Variants in TTN observed in about 807,000 individuals in gnomAD.
TTN encodes the protein titin.
In TTN, 1,525 loss-of-function variants were observed where a neutral mutation model predicts 3,223.0. That is an observed-to-expected ratio of 0.47 (90% CI 0.45 to 0.49). The LOEUF (loss-of-function observed/expected upper bound fraction) is 0.49, where lower values mean the gene tolerates loss of function less well. TTN is among the 20% of genes least tolerant of loss of function. The pLI, the probability that TTN is intolerant of heterozygous loss-of-function variation, is 0.00. For missense variants in TTN, 40,786 were observed against 43,424.0 expected, an observed-to-expected ratio of 0.94 and a Z score of 5.40; for synonymous variants, 14,094 against 15,161.0, an observed-to-expected ratio of 0.93 and a Z score of 5.17.
rs369529493 is a variant in TTN at position 178,712,827 on chromosome 2, G to T, written c.27198C>A (p.Asn9066Lys). Reference sequence around the variant, plus strand: ...CAGCAACTGAATCCTCCAAAGACACGTTGCATCTGTCACCTGGTACTAGTT... The same window carrying T: ...CAGCAACTGAATCCTCCAAAGACACTTTGCATCTGTCACCTGGTACTAGTT... ...SSELVPGDRCNVSLEDSVAEL... is the reference protein window; with the variant it reads ...SSELVPGDRCKVSLEDSVAEL... Residue 9066 changes from asparagine (N) to lysine (K), a missense_variant, in exon 94 of 363, where the codon AAC (asparagine) becomes AAA (lysine). Physicochemically the swap from Asn to Lys is moderately conservative, Grantham distance 94. Transcript: ENST00000589042. 1.2e-6 allele frequency: 2 copies of T among 1,613,740 alleles called. No homozygotes were observed. Among genetic ancestry groups the T allele is most frequent in the East Asian group, 2.2e-5 (1 of 44,850 alleles).
Position 178,774,199 on chromosome 2 carries a change from G to A in TTN, c.7057+8C>T, listed in dbSNP as rs1330193226. 2 of 1,614,018 alleles carry A rather than the reference G, an allele frequency of 1.2e-6. No homozygotes were observed. Among genetic ancestry groups the A allele is most frequent in the Admixed American group, 1.7e-5 (1 of 59,984 alleles). On this transcript the variant is annotated splice_region_variant and intron_variant, in intron 30 of 362. Transcript: ENST00000589042. The stretch of plus-strand genomic sequence containing the variant: ...TCACTGCAGGCTGACAGGAATGGGA[G>A]GACTTACGTTTCATCTTTAATTTAC...
At position 178,665,399 on chromosome 2, in the gene TTN, C is replaced by T; in HGVS notation, c.36021G>A (p.Glu12007=). The change falls in exon 165 of 363, where the codon GAG becomes GAA. Residue 12007 remains glutamate, a synonymous_variant. Coordinates refer to ENST00000589042, the MANE Select transcript of TTN (RefSeq NM_001267550.2). ...EMKIFEDVPE[E]PETPRMKTPE... ...TACTTTTCATACGTGGAGTTTCTGG[C>T]TCTTCAGGTACATCCTCAAATATTT... 1 of 1,612,452 alleles carries T rather than the reference C, an allele frequency of 6.2e-7. No individual in the cohort carries two copies. Among genetic ancestry groups the T allele is most frequent in the Non-Finnish European group, 8.5e-7 (1 of 1,179,602 alleles).
chr2:178,769,416 G>C (rs890749754), intron 37 of TTN, among the ~76,000 whole-genome samples: 2 of 151,636 alleles, frequency 1.3e-5, no homozygotes, highest in African/African-American at 4.9e-5. Flanking sequence ...ACCATGCCCA[G>C]CTAATTTTTT....
At chr2:178,713,427 C>T in intron 92 of TTN, 55 bp from the exon 93 acceptor site, 2 of 1,454,022 alleles carry the variant, frequency 1.4e-6, no homozygotes. Flanking sequence ...CAAAGGACAA[C>T]AATTATAAAA....
rs561458732 is a variant in TTN, at chr2:178,602,608, A to C, written c.54812-18T>G. ...CGGTGGAACTAATAACAAAAGAAAA[A>C]AAAAAGCTTCATCAGATTTTGAAGC... is the stretch of plus-strand genomic sequence containing the variant. On this transcript the variant is annotated intron_variant, in intron 282 of 362. Transcript: ENST00000589042. 1 of 1,465,690 alleles carries C rather than the reference A, an allele frequency of 6.8e-7. No individual in the cohort carries two copies. The highest frequency in any genetic ancestry group is 1.5e-5 in the South Asian group (1 of 67,514). The allele number at this position is 1,465,690 out of a possible 1,614,324, so 90.8% of individuals were successfully genotyped here.
Position 178,567,630 on chromosome 2 carries a change from C to G in TTN, c.78502G>C (p.Ala26168Pro). The change falls in exon 326 of 363, where the codon GCA (alanine) becomes CCA (proline). Residue 26168 changes from alanine (A) to proline (P), a missense_variant. Ala to Pro is a conservative substitution (Grantham distance 27). Transcript: ENST00000589042. ...GAGGGTTTACTTATTGCACCAGCTG[C>G]ATTCTTTGCAATGACTCTGAATTCA... ...RYEFRVIAKN[A>P]AGAISKPSDS... 6.2e-7 allele frequency: 1 copy of G among 1,612,190 alleles called. No homozygotes were observed. The highest frequency in any genetic ancestry group is 1.7e-5 in the Admixed American group (1 of 59,910).
intron 47 of TTN, chr2:178,746,491 T>C (rs2083599374): frequency 1.2e-6 from 2 of 1,613,098 alleles, no homozygotes; most frequent in Middle Eastern, 1.7e-4. Context: ...GAGAAGGTGT[T>C]CTTGATGATG....
chr2:178,536,674 G>C (rs1575313971), intron 356 of TTN, 99 bp from the exon 357 acceptor site: 1 of 1,084,764 alleles, frequency 9.2e-7, no homozygotes, highest in Non-Finnish European at 1.2e-6. Context: ...CCAAAATTTT[G>C]TTAAAAAATA....
Position 178,712,318 on chromosome 2 carries a change from G to A in TTN, c.27604C>T (p.Leu9202=). The change falls in exon 95 of 363, where the codon CTA becomes TTA. Residue 9202 remains leucine, a synonymous_variant. Coordinates refer to ENST00000589042, the MANE Select transcript of TTN (RefSeq NM_001267550.2). ...KDSCSAQILI[L]EPPYFVKQLE... is the part of the protein sequence containing the mutation. ...AAAATGTGCAATCATGACAAACCTA[G>A]TATGAGTATTTGTGCTGAACAGGAA... 1.2e-6 allele frequency: 2 copies of A among 1,612,656 alleles called. No homozygotes were observed. The highest frequency in any genetic ancestry group is 1.7e-6 in the Non-Finnish European group (2 of 1,178,928).
intron 109 of TTN, 85 bp downstream of exon 109, chr2:178,701,955 T>C (rs1577666354): frequency 1.5e-6 from 2 of 1,297,866 alleles, no homozygotes; most frequent in East Asian, 2.4e-5. Context: ...AAAGATATCT[T>C]ATACATTTTA....
intron 112 of TTN, 132 bp from the exon 113 acceptor site, chr2:178,697,300 G>T: frequency 1.5e-6 from 1 of 658,790 alleles, no homozygotes; most frequent in Non-Finnish European, 2.4e-6. Context: ...GCCCTTCCAG[G>T]AATCATAATA....
At position 178,636,614 on chromosome 2, in the gene TTN, T is replaced by A; in HGVS notation, c.41113A>T (p.Ile13705Phe). Residue 13705 changes from isoleucine (I) to phenylalanine (F), a missense_variant, in exon 225 of 363, where the codon ATC (isoleucine) becomes TTC (phenylalanine). Transcript: ENST00000589042. The surrounding 1 kb of genome is among the most constrained non-coding windows in gnomAD (Gnocchi z 4.3). ...GAAGGGGAGACCAAACATTCAAAGA[T>A]TGCTGAAGAGCCAACGAACTCTGAT... ...TESEFVGSSA[I>F]FECLVSPSTA... 6.2e-7 allele frequency: 1 copy of A among 1,613,458 alleles called. No homozygotes were observed. The highest frequency in any genetic ancestry group is 1.3e-5 in the African/African-American group (1 of 75,044).
In TTN at chr2:178,561,984, T is replaced by C. The variant is rs201348580; in HGVS notation, c.84148A>G (p.Ile28050Val). 1,137 of 1,613,406 alleles carry C rather than the reference T, an allele frequency of 7.0e-4. No homozygotes were observed. Among genetic ancestry groups the C allele is most frequent in the Non-Finnish European group, 8.8e-4 (1,039 of 1,179,596 alleles). ...GGTCCTGGTCTGTCAAGGACAATTATAGTAATAGGAACTGTTATGGATCCA... is the reference window on the plus strand; with the variant it reads ...GGTCCTGGTCTGTCAAGGACAATTACAGTAATAGGAACTGTTATGGATCCA... ...SAGSITVPIT[I>V]IVLDRPGPPG... is the part of the protein sequence containing the mutation. The change falls in exon 326 of 363, where the codon ATA becomes GTA. Residue 28050 changes from isoleucine (I) to valine (V), a missense_variant. Physicochemically the swap from Ile to Val is conservative, Grantham distance 29 (BLOSUM62 3). Transcript: ENST00000589042.
In TTN at chr2:178,565,813, A is replaced by G; in HGVS notation, c.80319T>C (p.Asp26773=). Residue 26773 remains aspartate, a synonymous_variant, in exon 326 of 363, where the codon GAT becomes GAC. Coordinates refer to ENST00000589042, the MANE Select transcript of TTN (RefSeq NM_001267550.2). The part of the protein sequence containing the change: ...FGVGVPVETV[D]AVKAAEPPSP... Reference sequence around the variant, plus strand: ...AAGGAGGTTCAGCAGCTTTCACGGCATCAACAGTTTCCACTGGAACACCAA... The same window carrying G: ...AAGGAGGTTCAGCAGCTTTCACGGCGTCAACAGTTTCCACTGGAACACCAA... 6.2e-7 allele frequency: 1 copy of G among 1,613,696 alleles called. No individual in the cohort carries two copies.
rs372392045 is a variant in TTN, at chr2:178,750,419, G to C, written c.11311+2705C>G. 3.7e-6 allele frequency: 6 copies of C among 1,612,170 alleles called. No homozygotes were observed. The Admixed American group carries it at 1.0e-4, about 27-fold the overall frequency. ...AGTTAATATTGAATAGTTTTCCAACGAATGAATGATAAAGTTTTGATTACG... is the reference window on the plus strand; with the variant it reads ...AGTTAATATTGAATAGTTTTCCAACCAATGAATGATAAAGTTTTGATTACG... On this transcript the variant is annotated intron_variant, in intron 47 of 362. Coordinates refer to ENST00000589042, the MANE Select transcript of TTN (RefSeq NM_001267550.2).
Position 178,598,528 on chromosome 2 carries a change from T to C in TTN, c.57089A>G (p.Glu19030Gly). 1 of 1,608,078 alleles carries C rather than the reference T, an allele frequency of 6.2e-7. No individual in the cohort carries two copies. The highest frequency in any genetic ancestry group is 8.5e-7 in the Non-Finnish European group (1 of 1,178,400). ...VTGYIVEYKE[E>G]GKEEWEKGKD... ...TACCTTTTCCCATTCTTCTTTTCCT[T>C]CTTCTTTATATTCAACGATGTATCC... Residue 19030 changes from glutamate to glycine, a missense_variant, in exon 292 of 363, where the codon GAA (glutamate) becomes GGA (glycine). Glu to Gly is a moderately conservative substitution (Grantham distance 98). Coordinates refer to ENST00000589042, the MANE Select transcript of TTN (RefSeq NM_001267550.2).
At position 178,786,058 on chromosome 2, in the gene TTN, AGGCTCTCTG is replaced by A; in HGVS notation, c.2151_2159del (p.Arg718_Pro720del). Reference sequence around the variant, plus strand: ...GAGCATAGGATTCTTCAAGATGCCCAGGCTCTCTGGGCTCTCTGACTCGGGCCTGGTCTA... The same window carrying A: ...GAGCATAGGATTCTTCAAGATGCCCAGGCTCTCTGACTCGGGCCTGGTCTA... On this transcript the variant is annotated inframe_deletion, in exon 14 of 363. Transcript: ENST00000589042. 6.2e-7 allele frequency: 1 copy of A among 1,614,130 alleles called. No individual in the cohort carries two copies. The highest frequency in any genetic ancestry group is 8.5e-7 in the Non-Finnish European group (1 of 1,180,028).
At position 178,705,196 on chromosome 2, in the gene TTN, T is replaced by C; in HGVS notation, c.29582A>G (p.Gln9861Arg). Residue 9861 changes from glutamine (Q) to arginine (R), a missense_variant, in exon 103 of 363, where the codon CAA becomes CGA. Physicochemically the swap from Gln to Arg is conservative, Grantham distance 43. Coordinates refer to ENST00000589042, the MANE Select transcript of TTN (RefSeq NM_001267550.2). ...LQAFELLKQS[Q>R]EEETHRLEIE... ...TACCAGTCTATGTGTCTCTTCTTCTTGGCTTTGCTTGAGCAGTTCAAATGC... is the reference window on the plus strand; with the variant it reads ...TACCAGTCTATGTGTCTCTTCTTCTCGGCTTTGCTTGAGCAGTTCAAATGC... The C allele has an allele frequency of 6.2e-7, 1 of 1,613,564 alleles. No individual in the cohort carries two copies. Among genetic ancestry groups the C allele is most frequent in the Non-Finnish European group, 8.5e-7 (1 of 1,179,692 alleles).
At chr2:178,623,153 A>G (rs1349025515) in intron 242 of TTN, among the ~76,000 whole-genome samples, 5 of 151,950 alleles carry the variant, frequency 3.3e-5, no homozygotes, top group Admixed American at 2.6e-4. Context: ...GTCTTATTTA[A>G]GGCACTTAGC....
Sources: allele counts gnomAD v4.1 joint callset (sites outside exome capture counted in the v4.1 genomes callset), GRCh38; gene constraint gnomAD v4.1.1; non-coding constraint Gnocchi (gnomAD v3.1); transcripts MANE v1.5; gene names NCBI Gene and HGNC (gene_info 2026-07-23, HGNC 2026-07-21).